The following DOCK3 variants were observed in gnomAD, a reference collection of about 807,000 sequenced individuals.
DOCK3 encodes the protein dedicator of cytokinesis protein 3.
A neutral mutation model predicts 265.6 loss-of-function variants in DOCK3; 60 were observed. The observed-to-expected ratio is 0.23, with a 90% CI of 0.18 to 0.28. DOCK3 has a LOEUF of 0.28. Among genes scored for constraint, DOCK3 ranks in the 10% least tolerant of loss-of-function variants. The pLI is 1.00. For synonymous variants in DOCK3, 881 were observed against 938.0 expected (o/e 0.94, Z 1.11); for missense variants, 1,981 against 2,594.3 (o/e 0.76, Z 5.14).
intron 12 of DOCK3, among the ~76,000 whole-genome samples, chr3:51,169,588 G>A (rs898938050): frequency 6.6e-6 from 1 of 152,092 alleles, no homozygotes; most frequent in Non-Finnish European, 1.5e-5. Context: ...GCCCACCTGA[G>A]GATGAGGGTG....
chr3:50,924,634 G>T (rs1161328529), intron 4 of DOCK3, among the ~76,000 whole-genome samples: 1 of 152,194 alleles, frequency 6.6e-6, no homozygotes, highest in African/African-American at 2.4e-5. Context: ...GAACTTGCCT[G>T]TAGGCAGTTG....
chr3:51,041,193 TATATATATA>T (rs1276676060), intron 5 of DOCK3, among the ~76,000 whole-genome samples: 200 of 18,056 alleles, frequency 0.011, 2 homozygotes, highest in African/African-American at 0.014. Flanking sequence ...TATATATATA[TATATATATA>T]TATTTTTTTT....
At chr3:50,695,403 A>G (rs928906627) in intron 1 of DOCK3, among the ~76,000 whole-genome samples, 1 of 152,228 alleles carries the variant, frequency 6.6e-6, no homozygotes, top group African/African-American at 2.4e-5. Flanking sequence ...AAGAGGGTAG[A>G]ATGCACAAAT....
chr3:51,351,711 C>A (rs1211442560), intron 40 of DOCK3, among the ~76,000 whole-genome samples: 1 of 134,236 alleles, frequency 7.4e-6, no homozygotes. Context: ...GGCTGGAGTA[C>A]AATGGCACGA....
At chr3:50,739,651 C>T (rs1576296086) in intron 1 of DOCK3, among the ~76,000 whole-genome samples, 2 of 152,092 alleles carry the variant, frequency 1.3e-5, no homozygotes, top group African/African-American at 4.8e-5. Context: ...GAATGGATCT[C>T]TACCCATTTA....
intron 1 of DOCK3, among the ~76,000 whole-genome samples, chr3:50,764,062 T>G (rs1455953453): frequency 6.6e-6 from 1 of 152,240 alleles, no homozygotes; most frequent in African/African-American, 2.4e-5. Flanking sequence ...CTCAGAAATT[T>G]ACTTTCGTTG....
intron 33 of DOCK3, among the ~76,000 whole-genome samples, chr3:51,331,571 A>AG (rs1225323782): frequency 5.3e-5 from 8 of 151,900 alleles, no homozygotes; most frequent in Non-Finnish European, 1.2e-4. Flanking sequence ...AAAAAAAAAA[A>AG]GTAAATCATG....
intron 9 of DOCK3, among the ~76,000 whole-genome samples, chr3:51,100,516 C>T (rs2083040889): frequency 2.0e-5 from 3 of 152,172 alleles, no homozygotes; most frequent in Admixed American, 2.0e-4. Context: ...ATGTCACTGG[C>T]TCACCTCTGA....
intron 3 of DOCK3, among the ~76,000 whole-genome samples, chr3:50,844,090 A>G (rs537600490): frequency 1.8e-4 from 28 of 152,346 alleles, no homozygotes; most frequent in African/African-American, 6.5e-4. Context: ...TAGTGGTTAA[A>G]GGAAAAAATA....
At chr3:50,849,718 T>C (rs1559720979) in intron 3 of DOCK3, among the ~76,000 whole-genome samples, 1 of 152,186 alleles carries the variant, frequency 6.6e-6, no homozygotes, top group African/African-American at 2.4e-5. Context: ...AGATACACTT[T>C]TGGAAAATGT....
chr3:50,990,013 C>A (rs2078050188), intron 5 of DOCK3, among the ~76,000 whole-genome samples: 1 of 151,964 alleles, frequency 6.6e-6, no homozygotes, highest in Admixed American at 6.6e-5. Context: ...AGTACAATCA[C>A]AAGTATTAAT....
intron 7 of DOCK3, among the ~76,000 whole-genome samples, chr3:51,083,882 A>G (rs1467930886): frequency 6.6e-6 from 1 of 152,012 alleles, no homozygotes; most frequent in Non-Finnish European, 1.5e-5. Context: ...TACTTGGGAG[A>G]CTGAGGCAGG....
At chr3:51,212,328 T>G (rs2089556286) in intron 13 of DOCK3, among the ~76,000 whole-genome samples, 1 of 152,230 alleles carries the variant, frequency 6.6e-6, no homozygotes, top group Admixed American at 6.5e-5. Flanking sequence ...AGTTTCACTT[T>G]GCTTCTGTAC....
chr3:51,264,134 A>G (rs528936986), intron 23 of DOCK3, among the ~76,000 whole-genome samples: 1 of 152,208 alleles, frequency 6.6e-6, no homozygotes, highest in African/African-American at 2.4e-5. Flanking sequence ...CACATTGCAC[A>G]TATTCTAAAA....
intron 32 of DOCK3, among the ~76,000 whole-genome samples, chr3:51,320,131 A>C (rs983220207): frequency 2.0e-5 from 3 of 152,162 alleles, no homozygotes; most frequent in Non-Finnish European, 2.9e-5. Flanking sequence ...AGCTCATCTC[A>C]TTGGGACTGG....
At chr3:50,994,867 A>G (rs1462901380) in intron 5 of DOCK3, among the ~76,000 whole-genome samples, 1 of 152,238 alleles carries the variant, frequency 6.6e-6, no homozygotes, top group Non-Finnish European at 1.5e-5. Context: ...TAAGAGATCA[A>G]TAAATGTTAC....
intron 12 of DOCK3, among the ~76,000 whole-genome samples, chr3:51,163,590 C>T (rs1201072267): frequency 6.6e-6 from 1 of 151,890 alleles, no homozygotes; most frequent in Non-Finnish European, 1.5e-5. Context: ...TACTTAGAAC[C>T]CAAAAGGAGA....
At chr3:50,877,701 G>A (rs910284331) in intron 3 of DOCK3, 2 of 351,558 alleles carry the variant, frequency 5.7e-6, no homozygotes, top group Non-Finnish European at 1.1e-5. Flanking sequence ...TTATGTTGGA[G>A]TCTCGCTGTG....
At chr3:50,688,941 C>A (rs1458222369) in intron 1 of DOCK3, among the ~76,000 whole-genome samples, 2 of 152,148 alleles carry the variant, frequency 1.3e-5, no homozygotes, top group Non-Finnish European at 1.5e-5. Flanking sequence ...GTGACTGAGA[C>A]AAGTGCACCA....
Sources: gnomAD v4.1 joint callset for allele counts (sites outside exome capture counted in the v4.1 genomes callset) on GRCh38, gnomAD v4.1.1 for gene constraint, MANE v1.5 for transcripts, NCBI Gene and HGNC (gene_info 2026-07-23, HGNC 2026-07-21) for gene names.